DOCK8: variants seen among roughly 807,000 people sequenced by gnomAD.
The protein encoded by DOCK8 is dedicator of cytokinesis protein 8.
Under a neutral mutation model 245.6 loss-of-function variants are expected in DOCK8, and 141 were observed. The observed-to-expected ratio is 0.57, with a 90% CI of 0.50 to 0.66. DOCK8 has a LOEUF of 0.66. Ranked by LOEUF, DOCK8 falls within the 30% of genes least tolerant of loss-of-function variation. The pLI is 0.00. For synonymous variants in DOCK8, 1,168 were observed against 970.2 expected, an observed-to-expected ratio of 1.20 and a Z score of -3.79; for missense variants, 2,965 against 2,603.4, an observed-to-expected ratio of 1.14 and a Z score of -3.02.
intron 6 of DOCK8, among the ~76,000 whole-genome samples, chr9:316,467 A>G (rs1273733945): frequency 6.6e-6 from 1 of 152,234 alleles, no homozygotes; most frequent in Non-Finnish European, 1.5e-5. Flanking sequence ...TCATATACCT[A>G]GCACTTTAGG....
Position 386,433 on chromosome 9 carries a change from AAG to A in DOCK8, c.2874+12_2874+13del, listed in dbSNP as rs1182917562. 2 of 1,611,868 alleles carry A rather than the reference AAG, an allele frequency of 1.2e-6. No homozygotes were observed. Among genetic ancestry groups the A allele is most frequent in the Admixed American group, 3.3e-5 (2 of 59,966 alleles). On this transcript the variant is annotated splice_region_variant and intron_variant, in intron 23 of 47. Coordinates refer to ENST00000432829, the MANE Select transcript of DOCK8 (RefSeq NM_203447.4). ...AAGGCCAGCCAGCAAAAAGGTACTG[AAG>A]AGAGCAATGTGAGGTTCATCCCAGG...
chr9:429,865 A>C lies in DOCK8; in HGVS notation c.4626+11A>C, dbSNP rs771403528. The C allele has an allele frequency of 4.8e-5, 78 of 1,613,850 alleles. No homozygotes were observed. Among genetic ancestry groups the C allele is most frequent in the Non-Finnish European group, 6.4e-5 (76 of 1,179,944 alleles). On this transcript the variant is annotated intron_variant, in intron 36 of 47. Coordinates refer to ENST00000432829, the MANE Select transcript of DOCK8 (RefSeq NM_203447.4). ...TTTGGAGCCACCAGTGTAAGAGTTC[A>C]AACCAGCTGAGTGACCTGGAATCAG...
chr9:362,275 C>A (rs1310208880), intron 14 of DOCK8, among the ~76,000 whole-genome samples: 5 of 152,204 alleles, frequency 3.3e-5, no homozygotes, highest in African/African-American at 1.2e-4. Context: ...CACCTCCACT[C>A]TTCTTAACCA....
At chr9:392,063 G>A (rs1057222053) in intron 24 of DOCK8, among the ~76,000 whole-genome samples, 2 of 151,302 alleles carry the variant, frequency 1.3e-5, no homozygotes, top group African/African-American at 4.9e-5. Flanking sequence ...GCTTGAACCT[G>A]GGAGGCAGAG....
intron 15 of DOCK8, chr9:368,461 T>G: frequency 3.3e-6 from 2 of 604,870 alleles, no homozygotes; most frequent in Admixed American, 5.7e-5. Flanking sequence ...GCTCAACACG[T>G]GCGCCATGTT....
intron 20 of DOCK8, among the ~76,000 whole-genome samples, chr9:378,590 T>G (rs1255364258): frequency 6.6e-6 from 1 of 152,248 alleles, no homozygotes; most frequent in Non-Finnish European, 1.5e-5. Context: ...TCTGCCCTCC[T>G]TCGATTACTT....
intron 23 of DOCK8, among the ~76,000 whole-genome samples, chr9:388,900 T>C (rs10491685): frequency 0.033 from 4,988 of 152,274 alleles, 253 homozygotes; most frequent in African/African-American, 0.11. Flanking sequence ...TTTGCTGTAA[T>C]CAGTTTTTGC....
intron 1 of DOCK8, among the ~76,000 whole-genome samples, chr9:225,919 G>T (rs781364766): frequency 6.6e-6 from 1 of 152,086 alleles, no homozygotes; most frequent in Non-Finnish European, 1.5e-5. Flanking sequence ...AGCAAGAACT[G>T]GTCTGTCTCT....
chr9:413,581 G>A (rs570660306), intron 28 of DOCK8, among the ~76,000 whole-genome samples: 1 of 152,114 alleles, frequency 6.6e-6, no homozygotes, highest in African/African-American at 2.4e-5. Flanking sequence ...AAATAACTCA[G>A]TTTTTTAAAA....
At chr9:374,342 G>A (rs2053426206) in intron 18 of DOCK8, among the ~76,000 whole-genome samples, 1 of 151,818 alleles carries the variant, frequency 6.6e-6, no homozygotes, top group Non-Finnish European at 1.5e-5. Flanking sequence ...AAACTTCATG[G>A]GGAAAAATGT....
chr9:441,974 A>G lies in DOCK8; in HGVS notation c.5455A>G (p.Ile1819Val), dbSNP rs2057108259. The change falls in exon 42 of 48, where the codon ATT (isoleucine) becomes GTT (valine). Residue 1819 changes from isoleucine to valine, a missense_variant. Around this residue, in one of 3 missense-constraint regions of DOCK8, gnomAD observed 2,825 missense variants for 2,453.5 expected, o/e 1.15. Coordinates refer to ENST00000432829, the MANE Select transcript of DOCK8 (RefSeq NM_203447.4). ...GGAGTTTGTCTACAAAGAGCCTGCA[A>G]TTACCAAGCTTCCTGAGATCTCACA... ...EQEFVYKEPA[I>V]TKLPEISHRL... is the part of the protein sequence containing the mutation. The G allele has an allele frequency of 1.9e-6, 3 of 1,614,124 alleles. No individual in the cohort carries two copies. Among genetic ancestry groups the G allele is most frequent in the South Asian group, 2.2e-5 (2 of 91,092 alleles).
chr9:325,104 A>AC (rs1416505317), intron 7 of DOCK8, among the ~76,000 whole-genome samples: 2 of 148,028 alleles, frequency 1.4e-5, no homozygotes, highest in African/African-American at 5.0e-5. Flanking sequence ...CAGAATAACA[A>AC]CCCCCGGCTC....
chr9:424,885 T>G (rs767811433), intron 33 of DOCK8, among the ~76,000 whole-genome samples: 1 of 152,214 alleles, frequency 6.6e-6, no homozygotes, highest in Non-Finnish European at 1.5e-5. Context: ...CACTCTAGAT[T>G]TGTGCTGTCC....
chr9:214,511 A>T, upstream of DOCK8: 1 of 1,612,700 alleles, frequency 6.2e-7, no homozygotes, highest in East Asian at 2.2e-5. Flanking sequence ...ACCTAGCCTT[A>T]CGAATCCCTG....
upstream of DOCK8, chr9:213,475 A>G (rs1164183914): frequency 6.6e-6 from 1 of 152,220 alleles, no homozygotes; most frequent in African/African-American, 2.4e-5. Flanking sequence ...AGGGGAAAAC[A>G]AACAGGTGAA....
chr9:278,266 T>C (rs1279901645), intron 2 of DOCK8, among the ~76,000 whole-genome samples: 1 of 152,218 alleles, frequency 6.6e-6, no homozygotes, highest in Admixed American at 6.5e-5. Context: ...CAGTGCTAGA[T>C]TGTTGTTGTT....
intron 5 of DOCK8, among the ~76,000 whole-genome samples, chr9:310,240 C>A (rs2050034882): frequency 6.7e-6 from 1 of 148,702 alleles, no homozygotes; most frequent in Non-Finnish European, 1.5e-5. Flanking sequence ...GCACTCCAGC[C>A]TGGCCAAAAA....
At position 428,815 on chromosome 9, in the gene DOCK8, T is replaced by G. The variant is rs553763287; in HGVS notation, c.4473+319T>G. ...AATTTCACTCTTTCTCTGTAATACC[T>G]CTGCTGAGTGAGATTAAATCCTCTA... On this transcript the variant is annotated intron_variant, in intron 35 of 47. Transcript: ENST00000432829. Among the ~76,000 whole-genome samples, 21 of 152,278 alleles carry G rather than the reference T, an allele frequency of 1.4e-4. 1 individual carries two copies. In the South Asian group the frequency reaches 3.9e-3, roughly 29 times the overall value.
chr9:346,589 A>G (rs1288018775), intron 14 of DOCK8, among the ~76,000 whole-genome samples: 1 of 151,792 alleles, frequency 6.6e-6, no homozygotes, highest in Non-Finnish European at 1.5e-5. Context: ...CTTGCTGTGG[A>G]GGACGGTGCT....
Sources: gnomAD v4.1 joint callset for allele counts (sites outside exome capture counted in the v4.1 genomes callset) on GRCh38, gnomAD v4.1.1 for gene constraint, gnomAD v4.1.1 regional missense constraint, MANE v1.5 for transcripts, NCBI Gene and HGNC (gene_info 2026-07-23, HGNC 2026-07-21) for gene names.